The following AUTS2 variants were observed in gnomAD, a reference collection of about 807,000 sequenced individuals.
AUTS2 encodes activator of transcription and developmental regulator AUTS2.
A neutral mutation model predicts 112.4 loss-of-function variants in AUTS2; 17 were observed. The observed-to-expected ratio is 0.15, with a 90% CI of 0.10 to 0.23. The LOEUF (loss-of-function observed/expected upper bound fraction) is 0.23. Ranked by LOEUF, AUTS2 falls within the 10% of genes least tolerant of loss-of-function variation. The pLI is 1.00. For synonymous variants in AUTS2, 751 were observed against 702.7 expected (o/e 1.07, Z -1.09); for missense variants, 1,510 against 1,701.6 (o/e 0.89, Z 1.98).
chr7:70,288,057 GA>G (rs891392746), intron 4 of AUTS2, among the ~76,000 whole-genome samples: 7 of 152,106 alleles, frequency 4.6e-5, no homozygotes, highest in African/African-American at 1.4e-4. Context: ...AGGCATGGGG[GA>G]AAAAAACTAA....
chr7:70,261,694 A>C (rs1787176302), intron 4 of AUTS2, among the ~76,000 whole-genome samples: 1 of 152,208 alleles, frequency 6.6e-6, no homozygotes, highest in Non-Finnish European at 1.5e-5. Flanking sequence ...TGACTTAATA[A>C]AATTTCGAAT....
intron 4 of AUTS2, among the ~76,000 whole-genome samples, chr7:70,245,170 A>ATATATATATATATATAGAT (rs57817453): frequency 7.5e-6 from 1 of 133,890 alleles, no homozygotes; most frequent in African/African-American, 3.1e-5. Flanking sequence ...ATATATATAT[A>ATATATATATATATATAGAT]AAAAATAAAA....
At chr7:69,831,043 G>C (rs1247406085) in intron 1 of AUTS2, among the ~76,000 whole-genome samples, 2 of 152,136 alleles carry the variant, frequency 1.3e-5, no homozygotes, top group African/African-American at 4.8e-5. Flanking sequence ...CCTGGTACTG[G>C]AGTCAGTATT....
At chr7:69,868,282 G>T (rs1015195502) in intron 1 of AUTS2, among the ~76,000 whole-genome samples, 1 of 152,130 alleles carries the variant, frequency 6.6e-6, no homozygotes, top group African/African-American at 2.4e-5. Context: ...ATTTTGAGGT[G>T]AGAATATTTA....
intron 1 of AUTS2, among the ~76,000 whole-genome samples, chr7:69,690,587 G>A (rs1432725261): frequency 6.6e-6 from 1 of 152,186 alleles, no homozygotes; most frequent in African/African-American, 2.4e-5. Flanking sequence ...ATGAGGCTGT[G>A]GCTGGACCAG....
Position 70,766,002 on chromosome 7 carries a change from C to T in AUTS2, c.1469-112C>T. 6.7e-7 allele frequency: 1 copy of T among 1,494,204 alleles called. No homozygotes were observed. Among genetic ancestry groups the T allele is most frequent in the Non-Finnish European group, 8.9e-7 (1 of 1,120,964 alleles). The allele number at this position is 1,494,204 out of a possible 1,614,324, so 92.6% of individuals were successfully genotyped here. A position where few individuals can be genotyped will look rare whatever the true frequency, so the allele number is the denominator to read the frequency against. ...CCGTTTATCTCAGGGCCCAGCCACA[C>T]CCTGTCACCCCTGCCACTGTGTCAC... is the stretch of plus-strand genomic sequence containing the variant. On this transcript the variant is annotated intron_variant, in intron 8 of 18. Coordinates refer to ENST00000342771, the MANE Select transcript of AUTS2 (RefSeq NM_015570.4). The surrounding 1 kb of genome is among the most constrained non-coding windows in gnomAD (Gnocchi z 4.8).
intron 4 of AUTS2, among the ~76,000 whole-genome samples, chr7:70,206,818 T>A (rs1201537448): frequency 6.6e-6 from 1 of 152,202 alleles, no homozygotes; most frequent in East Asian, 1.9e-4. Context: ...TGGAAAAACA[T>A]TTGTTGTATT....
intron 5 of AUTS2, among the ~76,000 whole-genome samples, chr7:70,612,959 A>G (rs889809023): frequency 6.6e-6 from 1 of 152,002 alleles, no homozygotes; most frequent in African/African-American, 2.4e-5. Flanking sequence ...TAAGAGATTT[A>G]TGTGGAGGTC....
intron 2 of AUTS2, among the ~76,000 whole-genome samples, chr7:70,019,309 G>A (rs1800171533): frequency 6.6e-6 from 1 of 152,060 alleles, no homozygotes; most frequent in Non-Finnish European, 1.5e-5. Flanking sequence ...AATAACTAAT[G>A]GGTACTAGGC....
At chr7:69,871,369 G>A (rs1304317147) in intron 1 of AUTS2, among the ~76,000 whole-genome samples, 1 of 152,106 alleles carries the variant, frequency 6.6e-6, no homozygotes, top group Non-Finnish European at 1.5e-5. Flanking sequence ...CACACTTATA[G>A]GGTAGTCCCC....
intron 5 of AUTS2, among the ~76,000 whole-genome samples, chr7:70,659,819 G>A (rs1563108595): frequency 6.6e-6 from 1 of 152,144 alleles, no homozygotes. Context: ...AAGGGGAAGG[G>A]TGGCAAGTGG....
intron 4 of AUTS2, among the ~76,000 whole-genome samples, chr7:70,370,650 T>A (rs976953875): frequency 3.9e-5 from 6 of 152,234 alleles, no homozygotes; most frequent in Non-Finnish European, 7.3e-5. Flanking sequence ...AACATTCATG[T>A]GTAAGTTTTT....
At chr7:70,461,449 C>CT (rs762231619) in intron 5 of AUTS2, among the ~76,000 whole-genome samples, 4 of 152,112 alleles carry the variant, frequency 2.6e-5, no homozygotes, top group Non-Finnish European at 5.9e-5. Flanking sequence ...TGATGATGGG[C>CT]TCAGCAGTGG....
rs533121285 is a variant in AUTS2, at chr7:70,356,748, T to C, written c.661-79004T>C. Among the ~76,000 whole-genome samples, 179 of 152,090 alleles carry C rather than the reference T, an allele frequency of 1.2e-3. 1 individual carries two copies. The Middle Eastern group carries it at 0.014, about 12-fold the overall frequency. ...TTTTAAAGGACCCTAGTGAGTTTTG[T>C]ACCACACTGAAAATTACCTTATGTG... On this transcript the variant is annotated intron_variant, in intron 4 of 18. Coordinates refer to ENST00000342771, the MANE Select transcript of AUTS2 (RefSeq NM_015570.4).
chr7:70,117,127 GTTTTTTT>G (rs1491008028), intron 2 of AUTS2, among the ~76,000 whole-genome samples: 1 of 62,782 alleles, frequency 1.6e-5, no homozygotes, highest in South Asian at 5.0e-4. Context: ...GTTTTTTTTT[GTTTTTTT>G]TTGTTTTTTT....
Position 70,785,999 on chromosome 7 carries a change from G to T in AUTS2, c.2269G>T (p.Gly757Cys). 1.9e-6 allele frequency: 3 copies of T among 1,614,130 alleles called. No homozygotes were observed. Among genetic ancestry groups the T allele is most frequent in the Middle Eastern group, 1.7e-4 (1 of 6,040 alleles). The change falls in exon 17 of 19, where the codon GGT becomes TGT. Residue 757 changes from glycine (G) to cysteine (C), a missense_variant. Physicochemically the swap from Gly to Cys is radical, Grantham distance 159. Coordinates refer to ENST00000342771, the MANE Select transcript of AUTS2 (RefSeq NM_015570.4). ...PSTFTGLAAV[G>C]GNAFGGLGNP... ...TACATTCACAGGCCTAGCAGCAGTT[G>T]GTGGCAATGCCTTCGGGGGACTTGG...
chr7:70,781,512 G>T, intron 14 of AUTS2, 103 bp from the exon 15 acceptor site: 2 of 1,391,980 alleles, frequency 1.4e-6, no homozygotes, highest in South Asian at 2.9e-5. Flanking sequence ...TTGTAAACTT[G>T]AACCCAAGTG....
At chr7:70,285,128 G>C (rs1313928228) in intron 4 of AUTS2, among the ~76,000 whole-genome samples, 1 of 152,026 alleles carries the variant, frequency 6.6e-6, no homozygotes, top group Admixed American at 6.6e-5. Flanking sequence ...GGCAAATGGG[G>C]TGATTTCTCT....
At position 70,373,314 on chromosome 7, in the gene AUTS2, C is replaced by T. The variant is rs115962622; in HGVS notation, c.661-62438C>T. ...TTGTACAATACGATCTTATTAATAA[C>T]AATTCTGTCAAGAGAGCACCCGATT... On this transcript the variant is annotated intron_variant, in intron 4 of 18. Transcript: ENST00000342771. Among the ~76,000 whole-genome samples the T allele has an allele frequency of 2.2e-3, 334 of 152,182 alleles. 1 individual carries two copies. The highest frequency in any genetic ancestry group is 7.8e-3 in the African/African-American group (322 of 41,508).
Sources: gnomAD v4.1 joint callset for allele counts (sites outside exome capture counted in the v4.1 genomes callset) on GRCh38, gnomAD v4.1.1 for gene constraint, Gnocchi (gnomAD v3.1) non-coding constraint, MANE v1.5 for transcripts, NCBI Gene and HGNC (gene_info 2026-07-23, HGNC 2026-07-21) for gene names.